SEC24D: variants seen among roughly 807,000 people sequenced by gnomAD.
SEC24D encodes SEC24 homolog D, COPII component, also known as protein transport protein Sec24D.
SEC24D carries 69 observed loss-of-function variants against 116.9 expected under a neutral mutation model. The observed-to-expected ratio is 0.59, with a 90% CI of 0.49 to 0.72. The LOEUF is 0.72. SEC24D is among the 30% of genes least tolerant of loss of function. The probability of loss-of-function intolerance (pLI) is 0.00; values close to 1 mark genes in which losing one functional copy is unlikely to be tolerated. For missense variants in SEC24D, 1,131 were observed against 1,264.1 expected, an observed-to-expected ratio of 0.89 and a Z score of 1.60; for synonymous variants, 405 against 442.8, an observed-to-expected ratio of 0.91 and a Z score of 1.07.
At position 118,739,258 on chromosome 4, in the gene SEC24D, A is replaced by T; in HGVS notation, c.2268T>A (p.Gly756=). 2 of 1,613,674 alleles carry T rather than the reference A, an allele frequency of 1.2e-6. No homozygotes were observed. Among genetic ancestry groups the T allele is most frequent in the Non-Finnish European group, 1.7e-6 (2 of 1,179,662 alleles). Residue 756 remains glycine (G), a synonymous_variant, in exon 18 of 23, where the codon GGT becomes GGA. Transcript: ENST00000280551. ...GATTGTGAATCCGAAGTCTTCTTTGACCACTGATTGTCGTGTAAAGCACAG... is the reference window on the plus strand; with the variant it reads ...GATTGTGAATCCGAAGTCTTCTTTGTCCACTGATTGTCGTGTAAAGCACAG... ...QCAVLYTTIS[G]QRRLRIHNLG... is the part of the protein sequence containing the mutation.
Position 118,768,217 on chromosome 4 carries a change from C to T in SEC24D, c.1136G>A (p.Gly379Glu). The T allele has an allele frequency of 6.2e-7, 1 of 1,613,974 alleles. No individual in the cohort carries two copies. The highest frequency in any genetic ancestry group is 8.5e-7 in the Non-Finnish European group (1 of 1,179,884). The change falls in exon 9 of 23, where the codon GGA (glycine) becomes GAA (glutamate). Residue 379 changes from glycine (G) to glutamate (E), a missense_variant. By Grantham distance (98) the Gly-to-Glu change is moderately conservative. Coordinates refer to ENST00000280551, the MANE Select transcript of SEC24D (RefSeq NM_014822.4). ...YMCPFMQFIE[G>E]GRRYQCGFCN... Reference sequence around the variant, plus strand: ...AAATCCACACTGATATCTCCTTCCTCCTTCGATGAACTGCATAAATGGGCA... The same window carrying T: ...AAATCCACACTGATATCTCCTTCCTTCTTCGATGAACTGCATAAATGGGCA...
intron 6 of SEC24D, among the ~76,000 whole-genome samples, chr4:118,811,111 A>G (rs1729904361): frequency 6.6e-6 from 1 of 152,234 alleles, no homozygotes; most frequent in Non-Finnish European, 1.5e-5. Flanking sequence ...GATGAAATCT[A>G]AACTGGAATA....
intron 10 of SEC24D, 52 bp from the exon 11 acceptor site, chr4:118,757,897 A>C: frequency 6.9e-7 from 1 of 1,454,234 alleles, no homozygotes; most frequent in Non-Finnish European, 9.4e-7. Flanking sequence ...TTGCATAATC[A>C]AATGTCAATA....
chr4:118,731,241 G>T, intron 21 of SEC24D, 75 bp downstream of exon 21: 1 of 1,177,764 alleles, frequency 8.5e-7, no homozygotes. Context: ...TGTAATATTT[G>T]ACTGCACATA....
At chr4:118,789,640 A>G (rs963966431) in intron 8 of SEC24D, among the ~76,000 whole-genome samples, 1 of 152,248 alleles carries the variant, frequency 6.6e-6, no homozygotes, top group African/African-American at 2.4e-5. Flanking sequence ...GCTAGAGCGC[A>G]GTGGCGCAAC....
chr4:118,797,231 T>C (rs1729216500), intron 8 of SEC24D, among the ~76,000 whole-genome samples: 1 of 152,246 alleles, frequency 6.6e-6, no homozygotes, highest in South Asian at 2.1e-4. Flanking sequence ...CCATACTTTC[T>C]AATCTTTAAG....
At chr4:118,747,359 T>C (rs1020639546) in intron 13 of SEC24D, among the ~76,000 whole-genome samples, 1 of 147,060 alleles carries the variant, frequency 6.8e-6, no homozygotes, top group Non-Finnish European at 1.5e-5. Context: ...CTCTGCCTCC[T>C]GGGTTCAAGC....
At chr4:118,832,310 A>G (rs115852209) in intron 2 of SEC24D, among the ~76,000 whole-genome samples, 6,178 of 152,326 alleles carry the variant, frequency 0.041, 191 homozygotes, top group Non-Finnish European at 0.064. Context: ...AGTGGTAAAC[A>G]GAGTCAAATA....
chr4:118,817,263 C>G lies in SEC24D; in HGVS notation c.397+1G>C. ...ATAAACACTAATAATAAAACTATTA[C>G]CATAGCTGTTGATTTGCATAGCACT... On this transcript the variant is annotated splice_donor_variant, in intron 4 of 22. Coordinates refer to ENST00000280551, the MANE Select transcript of SEC24D (RefSeq NM_014822.4). LOFTEE classifies it high-confidence loss of function. 11 of 1,599,316 alleles carry G rather than the reference C, an allele frequency of 6.9e-6. No individual in the cohort carries two copies. The highest frequency in any genetic ancestry group is 1.3e-5 in the African/African-American group (1 of 74,240).
chr4:118,805,842 C>A lies in SEC24D; in HGVS notation c.913+1G>T, dbSNP rs1342077161. ...TAAATGGCATAATTAAAAACAAATA[C>A]CTTGGTCTTGTATCATGCAATCTGT... On this transcript the variant is annotated splice_donor_variant, in intron 7 of 22. Coordinates refer to ENST00000280551, the MANE Select transcript of SEC24D (RefSeq NM_014822.4). LOFTEE classifies it high-confidence loss of function. 1 of 1,514,738 alleles carries A rather than the reference C, an allele frequency of 6.6e-7. No homozygotes were observed. Among genetic ancestry groups the A allele is most frequent in the Non-Finnish European group, 8.8e-7 (1 of 1,134,398 alleles). 93.8% of individuals were successfully genotyped at this position (1,514,738 alleles called of 1,614,324 possible). A position where few individuals can be genotyped will look rare whatever the true frequency, so the allele number is the denominator to read the frequency against.
At chr4:118,782,992 C>T (rs1056225753) in intron 8 of SEC24D, among the ~76,000 whole-genome samples, 16 of 152,290 alleles carry the variant, frequency 1.1e-4, no homozygotes, top group African/African-American at 3.6e-4. Context: ...GTTCCGTTTT[C>T]TCCAGGTACA....
intron 8 of SEC24D, among the ~76,000 whole-genome samples, chr4:118,794,958 G>A (rs1418224998): frequency 1.3e-5 from 2 of 151,220 alleles, no homozygotes; most frequent in East Asian, 3.9e-4. Flanking sequence ...CTTTTTTTTT[G>A]AAGGATAGAT....
chr4:118,822,745 A>AT (rs201472862), intron 3 of SEC24D, among the ~76,000 whole-genome samples: 6,828 of 150,030 alleles, frequency 0.046, 205 homozygotes, highest in Non-Finnish European at 0.066. Context: ...CTAATTTTCT[A>AT]TTTTTTTTTG....
intron 20 of SEC24D, 85 bp from the exon 21 acceptor site, chr4:118,731,592 CT>C: frequency 8.9e-7 from 1 of 1,125,946 alleles, no homozygotes; most frequent in Non-Finnish European, 1.3e-6. Flanking sequence ...TTTTTCCTCC[CT>C]CCCCTCCCTC....
chr4:118,814,223 A>G (rs1159245281), intron 6 of SEC24D, among the ~76,000 whole-genome samples: 2 of 152,236 alleles, frequency 1.3e-5, no homozygotes, highest in Non-Finnish European at 2.9e-5. Flanking sequence ...GACTTGCTTC[A>G]GCCAAGGGCA....
intron 8 of SEC24D, among the ~76,000 whole-genome samples, chr4:118,782,824 C>T (rs372264352): frequency 8.9e-4 from 136 of 152,324 alleles, no homozygotes; most frequent in Non-Finnish European, 1.5e-3. Context: ...AACCCTCCCC[C>T]CTGCCAGGCT....
At chr4:118,746,816 AAG>A (rs1726562152) in intron 13 of SEC24D, among the ~76,000 whole-genome samples, 1 of 151,852 alleles carries the variant, frequency 6.6e-6, no homozygotes, top group South Asian at 2.1e-4. Context: ...CTTAAAAACA[AAG>A]AGAGAGAATT....
At chr4:118,759,669 A>G (rs1727274169) in intron 10 of SEC24D, among the ~76,000 whole-genome samples, 1 of 152,192 alleles carries the variant, frequency 6.6e-6, no homozygotes, top group African/African-American at 2.4e-5. Flanking sequence ...CTTAGCTGCC[A>G]GGACACTGAA....
At chr4:118,817,991 T>A (rs975333314) in intron 3 of SEC24D, among the ~76,000 whole-genome samples, 1 of 151,752 alleles carries the variant, frequency 6.6e-6, no homozygotes, top group Non-Finnish European at 1.5e-5. Flanking sequence ...GAGCTGAGAC[T>A]GCACCACTGC....
Sources: gnomAD v4.1 joint callset for allele counts (sites outside exome capture counted in the v4.1 genomes callset) on GRCh38, gnomAD v4.1.1 for gene constraint, MANE v1.5 for transcripts, NCBI Gene and HGNC (gene_info 2026-07-23, HGNC 2026-07-21) for gene names.